Variants in CRMP1 observed in about 807,000 individuals in gnomAD.
CRMP1 encodes dihydropyrimidinase-related protein 1.
CRMP1 carries 19 observed loss-of-function variants against 68.3 expected under a neutral mutation model. The ratio of observed to expected loss-of-function variants is 0.28; its 90% CI spans 0.19 to 0.41. CRMP1 has a LOEUF of 0.41. Among genes scored for constraint, CRMP1 ranks in the 10% least tolerant of loss-of-function variants. The probability of loss-of-function intolerance (pLI) is 1.00; values close to 1 mark genes in which losing one functional copy is unlikely to be tolerated. For missense variants in CRMP1, 791 were observed against 967.4 expected (o/e 0.82, Z 2.42); for synonymous variants, 439 against 399.6 (o/e 1.10, Z -1.18).
At chr4:5,826,525 G>C (rs1410813482) in intron 12 of CRMP1, 2 of 151,404 alleles carry the variant, frequency 1.3e-5, no homozygotes, top group African/African-American at 2.4e-5. Flanking sequence ...TAGCCCCACT[G>C]GGAAAGGGTT....
At position 5,866,906 on chromosome 4, in the gene CRMP1, C is replaced by T. The variant is rs535833308; in HGVS notation, c.382-150G>A. The T allele has an allele frequency of 5.3e-5, 30 of 569,750 alleles. No homozygotes were observed. In the Admixed American group the frequency reaches 6.7e-4, roughly 13 times the overall value. The allele number at this position is 569,750 out of a possible 1,614,324, so 35.3% of individuals were successfully genotyped here. Reference sequence around the variant, plus strand: ...CCCAGATCCATCACCAGCTTCAATACTTCTCTATCCAATACTTCCTATTCT... The same window carrying T: ...CCCAGATCCATCACCAGCTTCAATATTTCTCTATCCAATACTTCCTATTCT... On this transcript the variant is annotated intron_variant, in intron 1 of 13. Transcript: ENST00000324989. This position sits in a 1 kb window ranked among gnomAD's most constrained non-coding sequence, Gnocchi z 5.9.
rs765270432 is a variant in CRMP1 at position 5,825,685 on chromosome 4, T to C, written c.1804-26A>G. On this transcript the variant is annotated intron_variant, in intron 12 of 13. Coordinates refer to ENST00000324989, the MANE Select transcript of CRMP1 (RefSeq NM_001014809.3). The surrounding 1 kb of genome is among the most constrained non-coding windows in gnomAD (Gnocchi z 4.4). ...CTAAACAGAGGAAGGGAGAGTGTGA[T>C]TGATCGACACTGTGCATGTGTGCCC... 35 of 1,610,236 alleles carry C rather than the reference T, an allele frequency of 2.2e-5. No homozygotes were observed. The highest frequency in any genetic ancestry group is 6.6e-5 in the South Asian group (6 of 90,498).
rs747533391 is a variant in CRMP1 at position 5,877,896 on chromosome 4, C to T, written c.382-11140G>A. Among the ~76,000 whole-genome samples the T allele has an allele frequency of 2.6e-5, 4 of 152,190 alleles. No individual in the cohort carries two copies. Among genetic ancestry groups the T allele is most frequent in the Admixed American group, 6.5e-5 (1 of 15,282 alleles). On this transcript the variant is annotated intron_variant, in intron 1 of 13. Transcript: ENST00000324989. This position sits in a 1 kb window ranked among gnomAD's most constrained non-coding sequence, Gnocchi z 4.3. ...GTCACAACCCTAAGAGTGGGCAGGG[C>T]CTGCACGCTGCATAGGGAAAGACGA...
Position 5,879,599 on chromosome 4 carries a change from C to G in CRMP1, c.382-12843G>C, listed in dbSNP as rs1715092695. On this transcript the variant is annotated intron_variant, in intron 1 of 13. Coordinates refer to ENST00000324989, the MANE Select transcript of CRMP1 (RefSeq NM_001014809.3). This position sits in a 1 kb window ranked among gnomAD's most constrained non-coding sequence, Gnocchi z 4.2. Reference sequence around the variant, plus strand: ...TCAAAATACCTACCTCACAAGATTACTTGAAATAATATGTAAAAGCACCCA... The same window carrying G: ...TCAAAATACCTACCTCACAAGATTAGTTGAAATAATATGTAAAAGCACCCA... Among the ~76,000 whole-genome samples the G allele has an allele frequency of 6.6e-6, 1 of 152,178 alleles. No homozygotes were observed. Among genetic ancestry groups the G allele is most frequent in the Admixed American group, 6.5e-5 (1 of 15,272 alleles).
intron 1 of CRMP1, among the ~76,000 whole-genome samples, chr4:5,880,687 T>C (rs1715167845): frequency 6.6e-6 from 1 of 152,194 alleles, no homozygotes; most frequent in Admixed American, 6.5e-5. Flanking sequence ...AAAGCACCAC[T>C]TCAGGGGCCC....
intron 12 of CRMP1, 91 bp downstream of exon 12, chr4:5,828,398 T>G: frequency 6.6e-7 from 1 of 1,505,586 alleles, no homozygotes; most frequent in Non-Finnish European, 8.9e-7. Context: ...GATGACATTA[T>G]TAACTCTGCA....
chr4:5,825,665 CAG>C lies in CRMP1; in HGVS notation c.1804-8_1804-7del, dbSNP rs751791780. On this transcript the variant is annotated splice_polypyrimidine_tract_variant and splice_region_variant and intron_variant, in intron 12 of 13. Coordinates refer to ENST00000324989, the MANE Select transcript of CRMP1 (RefSeq NM_001014809.3). The surrounding 1 kb of genome is among the most constrained non-coding windows in gnomAD (Gnocchi z 4.4). ...ACCCCTTGCAATCCAAAAACCTAAACAGAGGAAGGGAGAGTGTGATTGATCGA... is the reference window on the plus strand; with the variant it reads ...ACCCCTTGCAATCCAAAAACCTAAACAGGAAGGGAGAGTGTGATTGATCGA... 7 of 1,612,384 alleles carry C rather than the reference CAG, an allele frequency of 4.3e-6. No individual in the cohort carries two copies. In the Admixed American group the frequency reaches 5.0e-5, roughly 12 times the overall value.
In CRMP1 at chr4:5,841,425, C is replaced by G. The variant is rs1711717589; in HGVS notation, c.1036G>C (p.Glu346Gln). The change falls in exon 8 of 14, where the codon GAG (glutamate) becomes CAG (glutamine). Residue 346 changes from glutamate to glutamine, a missense_variant. By Grantham distance (29) the Glu-to-Gln change is conservative. Around this residue, in one of 3 missense-constraint regions of CRMP1, gnomAD observed 594 missense variants for 763.6 expected, o/e 0.78. Coordinates refer to ENST00000324989, the MANE Select transcript of CRMP1 (RefSeq NM_001014809.3). The surrounding 1 kb of genome is among the most constrained non-coding windows in gnomAD (Gnocchi z 6.9). ...ATGGCCCGGAACACCGCCTCGGCCT[C>G]CAGCTGAACACGGCACACACAGTGT... is the stretch of plus-strand genomic sequence containing the variant. ...GHALSRPEEL[E>Q]AEAVFRAITI... 6.2e-7 allele frequency: 1 copy of G among 1,614,032 alleles called. No individual in the cohort carries two copies. The highest frequency in any genetic ancestry group is 1.3e-5 in the African/African-American group (1 of 74,902).
In CRMP1 at chr4:5,872,363, A is replaced by G. The variant is rs563096183; in HGVS notation, c.382-5607T>C. Among the ~76,000 whole-genome samples, 6 of 152,322 alleles carry G rather than the reference A, an allele frequency of 3.9e-5. No homozygotes were observed. Among genetic ancestry groups the G allele is most frequent in the African/African-American group, 1.4e-4 (6 of 41,556 alleles). The stretch of plus-strand genomic sequence containing the variant: ...CTGTGAGGGGAAAACAGCAGATGTG[A>G]ACAATGGTACGCTCTGCACAAACAT... On this transcript the variant is annotated intron_variant, in intron 1 of 13. Coordinates refer to ENST00000324989, the MANE Select transcript of CRMP1 (RefSeq NM_001014809.3). The surrounding 1 kb of genome is among the most constrained non-coding windows in gnomAD (Gnocchi z 4.6).
At chr4:5,885,023 T>C (rs1178902944) in intron 1 of CRMP1, among the ~76,000 whole-genome samples, 2 of 151,266 alleles carry the variant, frequency 1.3e-5, no homozygotes, top group Non-Finnish European at 2.9e-5. Flanking sequence ...GAGAGCTTTA[T>C]AAATATTTCA....
chr4:5,837,776 G>A (rs746275558), intron 9 of CRMP1, among the ~76,000 whole-genome samples: 2 of 152,132 alleles, frequency 1.3e-5, no homozygotes, highest in African/African-American at 2.4e-5. Flanking sequence ...CAGAGGCCCA[G>A]GAAATGTTAG....
intron 1 of CRMP1, among the ~76,000 whole-genome samples, chr4:5,869,940 C>T (rs1388974074): frequency 6.6e-6 from 1 of 152,184 alleles, no homozygotes; most frequent in Non-Finnish European, 1.5e-5. Flanking sequence ...ACAGAAGGCA[C>T]TTCAGTGGTC....
chr4:5,837,678 T>TAAATAAAATAAAATAAAATAAAATA (rs1553904006), intron 9 of CRMP1, among the ~76,000 whole-genome samples: 20 of 126,290 alleles, frequency 1.6e-4, no homozygotes, highest in African/African-American at 4.8e-4. Flanking sequence ...TAAAATAAAA[T>TAAATAAAATAAAATAAAATAAAATA]AAATAAAATA....
chr4:5,837,755 G>A (rs1205005754), intron 9 of CRMP1, among the ~76,000 whole-genome samples: 1 of 151,952 alleles, frequency 6.6e-6, no homozygotes, highest in African/African-American at 2.4e-5. Flanking sequence ...AGGTGAGGCT[G>A]TCCTCCAATC....
chr4:5,889,585 G>T lies in CRMP1; in HGVS notation c.381+3004C>A. On this transcript the variant is annotated intron_variant, in intron 1 of 13. Coordinates refer to ENST00000324989, the MANE Select transcript of CRMP1 (RefSeq NM_001014809.3). The surrounding 1 kb of genome is among the most constrained non-coding windows in gnomAD (Gnocchi z 4.5). Reference sequence around the variant, plus strand: ...GCCCCAGCAAGCCCCAACCTCACTGGACAGGTGCCCCAAGTTCCCAGGCAG... The same window carrying T: ...GCCCCAGCAAGCCCCAACCTCACTGTACAGGTGCCCCAAGTTCCCAGGCAG... 6.5e-7 allele frequency: 1 copy of T among 1,536,112 alleles called. No homozygotes were observed. The highest frequency in any genetic ancestry group is 8.7e-7 in the Non-Finnish European group (1 of 1,146,888).
At chr4:5,862,022 G>A (rs1272595030) in intron 2 of CRMP1, among the ~76,000 whole-genome samples, 3 of 152,188 alleles carry the variant, frequency 2.0e-5, no homozygotes, top group Non-Finnish European at 2.9e-5. Context: ...GCCCTCCTGG[G>A]CTCCTGTGAG....
chr4:5,830,748 G>T (rs117477153), intron 11 of CRMP1, among the ~76,000 whole-genome samples: 1 of 152,058 alleles, frequency 6.6e-6, no homozygotes, highest in Admixed American at 6.6e-5. Flanking sequence ...TGATACCCCC[G>T]GGCCCAGTCT....
In CRMP1 at chr4:5,853,284, G is replaced by C. The variant is rs1409039107; in HGVS notation, c.821-1815C>G. ...AAAAATTAGCCGGGTGTGGTGGCAGGTGCCTGTAATCCAAGCTACTTGGGA... is the reference window on the plus strand; with the variant it reads ...AAAAATTAGCCGGGTGTGGTGGCAGCTGCCTGTAATCCAAGCTACTTGGGA... On this transcript the variant is annotated intron_variant, in intron 4 of 13. Transcript: ENST00000324989. This position sits in a 1 kb window ranked among gnomAD's most constrained non-coding sequence, Gnocchi z 4.7. Among the ~76,000 whole-genome samples the C allele has an allele frequency of 1.3e-5, 2 of 152,130 alleles. No homozygotes were observed. The highest frequency in any genetic ancestry group is 4.8e-5 in the African/African-American group (2 of 41,410).
rs1009306562 is a variant in CRMP1, at chr4:5,825,978, G to T, written c.1804-319C>A. Reference sequence around the variant, plus strand: ...TGCATGCACATGCAGTAACAAAACAGGCCTACACAGTAGCATACACGCGTG... The same window carrying T: ...TGCATGCACATGCAGTAACAAAACATGCCTACACAGTAGCATACACGCGTG... On this transcript the variant is annotated intron_variant, in intron 12 of 13. Coordinates refer to ENST00000324989, the MANE Select transcript of CRMP1 (RefSeq NM_001014809.3). This position sits in a 1 kb window ranked among gnomAD's most constrained non-coding sequence, Gnocchi z 4.4. 1.3e-4 allele frequency: 52 copies of T among 387,236 alleles called. No individual in the cohort carries two copies. The highest frequency in any genetic ancestry group is 2.0e-4 in the Non-Finnish European group (43 of 215,780). 24.0% of individuals were successfully genotyped at this position (387,236 alleles called of 1,614,324 possible).
Sources: allele counts gnomAD v4.1 joint callset (sites outside exome capture counted in the v4.1 genomes callset), GRCh38; gene constraint gnomAD v4.1.1; regional missense constraint gnomAD v4.1.1; non-coding constraint Gnocchi (gnomAD v3.1); transcripts MANE v1.5; gene names NCBI Gene and HGNC (gene_info 2026-07-23, HGNC 2026-07-21).